Variants in DOK4 observed in about 807,000 individuals in gnomAD.
DOK4 encodes downstream of tyrosine kinase 4.
A neutral mutation model predicts 40.1 loss-of-function variants in DOK4; 26 were observed. The ratio of observed to expected loss-of-function variants is 0.65; its 90% CI spans 0.48 to 0.90. DOK4 has a LOEUF of 0.90. DOK4 is among the 40% of genes least tolerant of loss of function. DOK4 has a pLI of 0.00. For synonymous variants in DOK4, 179 were observed against 177.0 expected (o/e 1.01, Z -0.09); for missense variants, 392 against 437.2 (o/e 0.90, Z 0.92).
intron 3 of DOK4, 61 bp from the exon 4 acceptor site, chr16:57,475,681 T>TCC: frequency 1.1e-6 from 1 of 878,784 alleles, no homozygotes; most frequent in Non-Finnish European, 1.7e-6. Flanking sequence ...TCTCTCTCTC[T>TCC]CTCTCTCTCT....
rs1567593515 is a variant in DOK4, at chr16:57,485,151, C to G, written c.-182+1154G>C. On this transcript the variant is annotated intron_variant, in intron 1 of 8. Transcript: ENST00000340099. The surrounding 1 kb of genome is among the most constrained non-coding windows in gnomAD (Gnocchi z 4.3). ...TGGGTCTCAGCGCTGACTGGCATGGCCAGCAGGCTGTTGTTACTGGAGAAC... is the reference window on the plus strand; with the variant it reads ...TGGGTCTCAGCGCTGACTGGCATGGGCAGCAGGCTGTTGTTACTGGAGAAC... 6.6e-6 allele frequency among the ~76,000 whole-genome samples: 1 copy of G among 152,242 alleles called. No homozygotes were observed. Among genetic ancestry groups the G allele is most frequent in the African/African-American group, 2.4e-5 (1 of 41,472 alleles).
At position 57,479,422 on chromosome 16, in the gene DOK4, C is replaced by T. The variant is rs769648518; in HGVS notation, c.66+20G>A. 9.3e-6 allele frequency: 15 copies of T among 1,612,174 alleles called. No homozygotes were observed. The highest frequency in any genetic ancestry group is 8.3e-5 in the Admixed American group (5 of 59,910). On this transcript the variant is annotated intron_variant, in intron 2 of 8. Coordinates refer to ENST00000340099, the Ensembl canonical transcript of DOK4. This position sits in a 1 kb window ranked among gnomAD's most constrained non-coding sequence, Gnocchi z 5.8. ...CCCCCATCCCTTGGCAGGGCCCCTCCGCAGCTCAGGGTCACTCACCCCGAG... is the reference window on the plus strand; with the variant it reads ...CCCCCATCCCTTGGCAGGGCCCCTCTGCAGCTCAGGGTCACTCACCCCGAG...
intron 1 of DOK4, among the ~76,000 whole-genome samples, chr16:57,482,363 G>GTTTTTTTTT (rs11390639): frequency 5.4e-5 from 5 of 93,036 alleles, no homozygotes; most frequent in Admixed American, 1.3e-4. Context: ...TGGGGCTTTT[G>GTTTTTTTTT]TTTTTTTTTT....
At chr16:57,475,684 CTCTCTCTCT>C in intron 3 of DOK4, 64 bp from the exon 4 acceptor site, 7 of 898,852 alleles carry the variant, frequency 7.8e-6, no homozygotes, top group Non-Finnish European at 8.5e-6. Context: ...CTCTCTCTCT[CTCTCTCTCT>C]CTCCCTCCCT....
exon 4 of DOK4, chr16:57,475,571 G>T (rs2031114418): frequency 1.2e-6 from 2 of 1,609,744 alleles, no homozygotes. Flanking sequence ...CTGCCGCTTG[G>T]TCTCCTTGGG....
At chr16:57,475,064 C>T in intron 5 of DOK4, 36 bp downstream of exon 5, 1 of 1,604,776 alleles carries the variant, frequency 6.2e-7, no homozygotes, top group Non-Finnish European at 8.5e-7. Context: ...CTTCCTCCTC[C>T]CCCTCCCCAC....
rs1360832930 is a variant in DOK4 at position 57,486,462 on chromosome 16, C to CGGGCTCCGGCTG, written c.-351_-340dup. On this transcript the variant is annotated 5_prime_UTR_variant, in exon 1 of 9. Transcript: ENST00000340099. ...GAGGCGCGGCCGCAGGGCTAGGGAT[C>CGGGCTCCGGCTG]GGGCTCCGGCTGGGGCTCCGGCTGG... 5.7e-3 allele frequency: 870 copies of CGGGCTCCGGCTG among 151,748 alleles called. 29 individuals are homozygous for CGGGCTCCGGCTG. The East Asian group carries it at 0.097, about 17-fold the overall frequency. The allele number at this position is 151,748 out of a possible 1,614,324, so 9.4% of individuals were successfully genotyped here.
chr16:57,473,655 T>C (rs200210440), exon 8 of DOK4: 1 of 1,614,242 alleles, frequency 6.2e-7, no homozygotes, highest in Admixed American at 1.7e-5. Flanking sequence ...GAACCAGTGA[T>C]GTGGTGCCAG....
At chr16:57,473,858 T>TG in intron 7 of DOK4, 43 bp downstream of exon 7, 9 of 1,550,036 alleles carry the variant, frequency 5.8e-6, no homozygotes, top group Non-Finnish European at 7.0e-6. Context: ...GCCCGCCCGT[T>TG]CCCCCCTCCC....
At chr16:57,474,135 T>C (rs1371339456) in intron 6 of DOK4, 96 bp from the exon 7 acceptor site, 2 of 1,542,282 alleles carry the variant, frequency 1.3e-6, no homozygotes, top group African/African-American at 2.7e-5. Flanking sequence ...TGTGGTTGCA[T>C]TCCAGGCCGG....
rs1296728583 is a variant in DOK4, at chr16:57,485,553, C to A, written c.-182+752G>T. Among the ~76,000 whole-genome samples the A allele has an allele frequency of 6.6e-6, 1 of 152,174 alleles. No homozygotes were observed. Among genetic ancestry groups the A allele is most frequent in the South Asian group, 2.1e-4 (1 of 4,830 alleles). ...GCCCCTCGCTGCCCTGGCCATCAGA[C>A]CCCTCCAACCCACACCCTCCATCCA... is the stretch of plus-strand genomic sequence containing the variant. On this transcript the variant is annotated intron_variant, in intron 1 of 8. Coordinates refer to ENST00000340099, the Ensembl canonical transcript of DOK4. This position sits in a 1 kb window ranked among gnomAD's most constrained non-coding sequence, Gnocchi z 4.3.
Position 57,474,058 on chromosome 16 carries a change from G to A in DOK4, c.600-19C>T. ...ACACATCCTGGGGACACAGCACAGA[G>A]GGCAAGATGGTGGGGACCCACCACA... On this transcript the variant is annotated intron_variant, in intron 6 of 8. Coordinates refer to ENST00000340099, the Ensembl canonical transcript of DOK4. 6.2e-7 allele frequency: 1 copy of A among 1,613,474 alleles called. No individual in the cohort carries two copies. The highest frequency in any genetic ancestry group is 8.5e-7 in the Non-Finnish European group (1 of 1,179,588).
rs1491203440 is a variant in DOK4 at position 57,482,362 on chromosome 16, T to TG, written c.-181-2675dup. Among the ~76,000 whole-genome samples, 15 of 124,538 alleles carry TG rather than the reference T, an allele frequency of 1.2e-4. No homozygotes were observed. The Admixed American group carries it at 1.3e-3, about 11-fold the overall frequency. The allele number at this position is 124,538 out of a possible 152,430, so 81.7% of individuals were successfully genotyped here. On this transcript the variant is annotated intron_variant, in intron 1 of 8. Coordinates refer to ENST00000340099, the Ensembl canonical transcript of DOK4. The stretch of plus-strand genomic sequence containing the variant: ...AACTTGTTTGTAGAGATGGGGCTTT[T>TG]GTTTTTTTTTTTTTTTTTTTTTGAG...
Position 57,479,550 on chromosome 16 carries a change from G to C in DOK4, c.-43C>G, listed in dbSNP as rs1199614578. 1.2e-6 allele frequency: 2 copies of C among 1,607,328 alleles called. No individual in the cohort carries two copies. The stretch of plus-strand genomic sequence containing the variant: ...GGGGCGCGGGGCCTGGCAGAGGCGA[G>C]GGGAAGGATGCCCAGGTGCCTGGGT... On this transcript the variant is annotated 5_prime_UTR_variant, in exon 2 of 9. Coordinates refer to ENST00000340099, the Ensembl canonical transcript of DOK4. The surrounding 1 kb of genome is among the most constrained non-coding windows in gnomAD (Gnocchi z 5.8).
exon 9 of DOK4, chr16:57,473,277 G>A (rs2030954806): frequency 5.4e-6 from 8 of 1,472,726 alleles, no homozygotes; most frequent in Non-Finnish European, 7.2e-6. Context: ...CCTTTCTCCA[G>A]GCTCTTGGCC....
chr16:57,472,364 TCAA>T (rs1451122634), exon 9 of DOK4: 1 of 152,646 alleles, frequency 6.6e-6, no homozygotes, highest in African/African-American at 2.4e-5. Context: ...TGCATGGTAG[TCAA>T]CAAATACCAG....
At chr16:57,480,910 G>A (rs1219693139) in intron 1 of DOK4, among the ~76,000 whole-genome samples, 1 of 152,172 alleles carries the variant, frequency 6.6e-6, no homozygotes, top group African/African-American at 2.4e-5. Flanking sequence ...GAAGGTCCAG[G>A]GTGGTGATGG....
At position 57,479,684 on chromosome 16, in the gene DOK4, GC is replaced by G. The variant is rs2031345344; in HGVS notation, c.-178del. ...TGTTCTAGCAGCTCCTTCGCCCCGC[GC>G]CTGCTGGAAATAAAAATGACAGGGA... On this transcript the variant is annotated 5_prime_UTR_variant, in exon 2 of 9. An upstream open reading frame in the 5' UTR gains an earlier in-frame stop. Transcript: ENST00000340099. The surrounding 1 kb of genome is among the most constrained non-coding windows in gnomAD (Gnocchi z 5.8). 1.8e-6 allele frequency: 1 copy of G among 561,054 alleles called. No homozygotes were observed. The highest frequency in any genetic ancestry group is 2.3e-5 in the South Asian group (1 of 42,962). The allele number at this position is 561,054 out of a possible 1,614,324, so 34.8% of individuals were successfully genotyped here.
At chr16:57,480,268 A>G (rs569425) in intron 1 of DOK4, 120,579 of 152,342 alleles carry the variant, frequency 0.79, 48,496 homozygotes, top group African/African-American at 0.94. Context: ...AAACCCCTCT[A>G]CCCTCCTGCC....
Sources: allele counts gnomAD v4.1 joint callset (sites outside exome capture counted in the v4.1 genomes callset), GRCh38; gene constraint gnomAD v4.1.1; non-coding constraint Gnocchi (gnomAD v3.1); transcripts MANE v1.5; gene names NCBI Gene and HGNC (gene_info 2026-07-23, HGNC 2026-07-21).